The following SLIT3 variants were observed in gnomAD, a reference collection of about 807,000 sequenced individuals.
SLIT3 encodes slit guidance ligand 3.
SLIT3 carries 68 observed loss-of-function variants against 184.0 expected under a neutral mutation model. The observed-to-expected ratio is 0.37, with a 90% CI of 0.30 to 0.45. SLIT3 has a LOEUF of 0.45. Among genes scored for constraint, SLIT3 ranks in the 20% least tolerant of loss-of-function variants. SLIT3 has a pLI of 1.00. For synonymous variants in SLIT3, 831 were observed against 828.6 expected (o/e 1.00, Z -0.05); for missense variants, 1,707 against 2,026.0 (o/e 0.84, Z 3.02).
intron 4 of SLIT3, among the ~76,000 whole-genome samples, chr5:169,076,415 G>T (rs1389078771): frequency 6.6e-6 from 1 of 152,180 alleles, no homozygotes; most frequent in African/African-American, 2.4e-5. Flanking sequence ...AAGAAAAGCA[G>T]CACTAGAGCT....
At chr5:168,991,829 A>G (rs1290402735) in intron 4 of SLIT3, among the ~76,000 whole-genome samples, 2 of 152,162 alleles carry the variant, frequency 1.3e-5, no homozygotes, top group Non-Finnish European at 2.9e-5. Flanking sequence ...ATTCGCCTCT[A>G]ACCCACACAT....
Position 168,666,531 on chromosome 5 carries a change from A to G in SLIT3, c.4495T>C (p.Phe1499Leu). The G allele has an allele frequency of 6.2e-7, 1 of 1,613,180 alleles. No homozygotes were observed. Among genetic ancestry groups the G allele is most frequent in the Admixed American group, 1.7e-5 (1 of 59,998 alleles). Residue 1499 changes from phenylalanine to leucine, a missense_variant, in exon 36 of 36, where the codon TTC becomes CTC. This residue lies in a region of SLIT3 where 387 missense variants were observed against 477.9 expected (regional missense o/e 0.81). Coordinates refer to ENST00000519560, the MANE Select transcript of SLIT3 (RefSeq NM_003062.4). ...PTRSKRRKYV[F>L]QCTDGSSFVE... ...AACGAGGAGCCGTCCGTGCACTGGA[A>G]GACGTATTTCCGCCGCTTGCTGCGG...
At chr5:169,193,411 A>G (rs1763625837) in intron 4 of SLIT3, 68 bp downstream of exon 4, 1 of 1,371,138 alleles carries the variant, frequency 7.3e-7, no homozygotes. Flanking sequence ...CGCTCCACAA[A>G]CCACATCCTC....
At chr5:168,877,475 A>G (rs1759776029) in intron 5 of SLIT3, among the ~76,000 whole-genome samples, 1 of 152,198 alleles carries the variant, frequency 6.6e-6, no homozygotes, top group South Asian at 2.1e-4. Context: ...GAGTGTGGAC[A>G]CTGCTCCAGG....
chr5:169,141,578 A>C (rs2113344871), intron 4 of SLIT3, among the ~76,000 whole-genome samples: 1 of 151,734 alleles, frequency 6.6e-6, no homozygotes, highest in African/African-American at 2.4e-5. Flanking sequence ...TGTCTACTAA[A>C]AATACAAAAA....
At chr5:169,053,831 T>C (rs1757893014) in intron 4 of SLIT3, among the ~76,000 whole-genome samples, 1 of 152,156 alleles carries the variant, frequency 6.6e-6, no homozygotes, top group Non-Finnish European at 1.5e-5. Flanking sequence ...CTCATGCCTA[T>C]AATCTCTGCA....
rs1283482118 is a variant in SLIT3, at chr5:168,944,185, GT to G, written c.414-60850del. Among the ~76,000 whole-genome samples the G allele has an allele frequency of 5.9e-5, 9 of 152,292 alleles. No individual in the cohort carries two copies. The South Asian group carries it at 1.7e-3, about 28-fold the overall frequency. ...TATTCTTACTCTTCAAGCAGAGCTG[GT>G]TTGAGTCTGCCCACCCCTCCTATCG... On this transcript the variant is annotated intron_variant, in intron 4 of 35. Coordinates refer to ENST00000519560, the MANE Select transcript of SLIT3 (RefSeq NM_003062.4).
Position 168,794,648 on chromosome 5 carries a change from C to T in SLIT3, c.1007+859G>A, listed in dbSNP as rs893043174. On this transcript the variant is annotated intron_variant, in intron 10 of 35. Coordinates refer to ENST00000519560, the MANE Select transcript of SLIT3 (RefSeq NM_003062.4). ...GTGCTCACATGTTGACCATACCCTC[C>T]GAGGCTTCTCATTTCATGCAGGAAG... is the stretch of plus-strand genomic sequence containing the variant. Among the ~76,000 whole-genome samples, 4 of 152,250 alleles carry T rather than the reference C, an allele frequency of 2.6e-5. No homozygotes were observed. In the East Asian group the frequency reaches 5.8e-4, roughly 22 times the overall value.
chr5:169,298,417 C>T (rs983744187), intron 1 of SLIT3, among the ~76,000 whole-genome samples: 3 of 152,146 alleles, frequency 2.0e-5, no homozygotes, highest in East Asian at 1.9e-4. Flanking sequence ...GGCATGGGTG[C>T]GGTTCCTGCA....
intron 4 of SLIT3, among the ~76,000 whole-genome samples, chr5:169,189,279 A>G (rs1371061911): frequency 1.3e-5 from 2 of 152,042 alleles, no homozygotes; most frequent in Admixed American, 1.3e-4. Context: ...CCTTTTGAGC[A>G]TAACTTCAGC....
chr5:168,843,416 T>C (rs892744715), intron 6 of SLIT3, among the ~76,000 whole-genome samples: 2 of 152,228 alleles, frequency 1.3e-5, no homozygotes, highest in African/African-American at 4.8e-5. Flanking sequence ...AACCTGTGAC[T>C]GTGTAATTTT....
chr5:169,110,753 T>C (rs563984166), intron 4 of SLIT3, among the ~76,000 whole-genome samples: 1 of 152,346 alleles, frequency 6.6e-6, no homozygotes, highest in Admixed American at 6.5e-5. Context: ...ACCTGGACTA[T>C]TGTAATAGCT....
chr5:169,026,543 A>T (rs561402346), intron 4 of SLIT3: 1 of 152,328 alleles, frequency 6.6e-6, no homozygotes, highest in Admixed American at 6.5e-5. Context: ...ACTGCTGAAG[A>T]TCTAGAGTTA....
At chr5:168,804,330 A>AAAC (rs869199835) in intron 9 of SLIT3, among the ~76,000 whole-genome samples, 122 of 129,250 alleles carry the variant, frequency 9.4e-4, no homozygotes, top group African/African-American at 2.9e-3. Flanking sequence ...AAAAAAAAAA[A>AAAC]AAAAAAAAAG....
chr5:168,985,989 C>A (rs1309772614), intron 4 of SLIT3, among the ~76,000 whole-genome samples: 3 of 152,150 alleles, frequency 2.0e-5, no homozygotes, highest in African/African-American at 7.2e-5. Flanking sequence ...TTCCCTAAAA[C>A]CTTGTGACTG....
At chr5:168,870,315 A>G (rs1282867611) in intron 5 of SLIT3, among the ~76,000 whole-genome samples, 1 of 152,256 alleles carries the variant, frequency 6.6e-6, no homozygotes, top group East Asian at 1.9e-4. Context: ...GAGAATGGCC[A>G]AGAAAGCCAG....
intron 4 of SLIT3, among the ~76,000 whole-genome samples, chr5:169,039,856 G>T (rs1757388547): frequency 1.3e-5 from 2 of 152,144 alleles, no homozygotes; most frequent in South Asian, 4.1e-4. Flanking sequence ...TGCAGCCAAA[G>T]GCACCCTACC....
At chr5:168,747,604 G>A (rs1357620681) in intron 20 of SLIT3, among the ~76,000 whole-genome samples, 1 of 152,094 alleles carries the variant, frequency 6.6e-6, no homozygotes, top group African/African-American at 2.4e-5. Flanking sequence ...TTGTCCTTCT[G>A]TCTGTGCTTT....
intron 13 of SLIT3, 82 bp downstream of exon 13, chr5:168,774,153 C>T (rs1755657959): frequency 6.5e-6 from 9 of 1,382,332 alleles, no homozygotes; most frequent in Non-Finnish European, 8.9e-6. Flanking sequence ...TCGTGCTGCC[C>T]TCATTTGGGT....
Sources: allele counts gnomAD v4.1 joint callset (sites outside exome capture counted in the v4.1 genomes callset), GRCh38; gene constraint gnomAD v4.1.1; regional missense constraint gnomAD v4.1.1; transcripts MANE v1.5; gene names NCBI Gene and HGNC (gene_info 2026-07-23, HGNC 2026-07-21).